Variants in TMEM178A observed in about 807,000 individuals in gnomAD.
TMEM178A encodes transmembrane protein 178.
A neutral mutation model predicts 29.1 loss-of-function variants in TMEM178A; 12 were observed. That is an observed-to-expected ratio of 0.41 (90% confidence interval 0.26 to 0.67). TMEM178A has a LOEUF of 0.67. TMEM178A is among the 30% of genes least tolerant of loss of function. The probability of loss-of-function intolerance (pLI) is 0.29; values close to 1 mark genes in which losing one functional copy is unlikely to be tolerated. For synonymous variants in TMEM178A, 210 were observed against 187.2 expected, an observed-to-expected ratio of 1.12 and a Z score of -0.99; for missense variants, 366 against 419.1, an observed-to-expected ratio of 0.87 and a Z score of 1.11.
the TMEM178A span, among the ~76,000 whole-genome samples, chr2:39,732,503 T>C: frequency 6.6e-6 from 1 of 152,162 alleles, no homozygotes; most frequent in Admixed American, 6.5e-5. Flanking sequence ...TGGCGTGTCA[T>C]TACTTCAAGA....
intron 1 of TMEM178A, among the ~76,000 whole-genome samples, chr2:39,690,703 C>G (rs1464038413): frequency 6.6e-6 from 1 of 152,126 alleles, no homozygotes; most frequent in African/African-American, 2.4e-5. Flanking sequence ...AAACTTAACA[C>G]TACTAAAAGA....
rs146115860 is a variant in TMEM178A, at chr2:39,697,509, A to G, written c.401-6572A>G. Among the ~76,000 whole-genome samples the G allele has an allele frequency of 1.5e-4, 23 of 152,136 alleles. No homozygotes were observed. The East Asian group carries it at 4.2e-3, about 28-fold the overall frequency. On this transcript the variant is annotated intron_variant, in intron 1 of 3. Coordinates refer to ENST00000281961, the MANE Select transcript of TMEM178A (RefSeq NM_152390.3). ...GAGTGGAACACCTGGACCATAGAAC[A>G]TTTTCTTGCAAACTCAGCTGTGGAG...
At chr2:39,694,396 C>T (rs1671453101) in intron 1 of TMEM178A, among the ~76,000 whole-genome samples, 1 of 152,030 alleles carries the variant, frequency 6.6e-6, no homozygotes, top group Non-Finnish European at 1.5e-5. Context: ...TCTTAGTTAC[C>T]AGGAAGTTGA....
intron 1 of TMEM178A, among the ~76,000 whole-genome samples, chr2:39,701,582 A>G (rs2192686): frequency 0.6 from 90,727 of 151,902 alleles, 29,290 homozygotes; most frequent in East Asian, 0.84. Flanking sequence ...GCAAGTTCAT[A>G]TTTTTAATCA....
intron 1 of TMEM178A, chr2:39,687,568 T>C (rs2148074699): frequency 6.3e-6 from 1 of 159,494 alleles, no homozygotes; most frequent in Middle Eastern, 3.4e-3. Context: ...CTGTGCCCCT[T>C]TTCATGGTTT....
intron 1 of TMEM178A, among the ~76,000 whole-genome samples, chr2:39,692,411 G>T (rs571845984): frequency 5.9e-5 from 9 of 152,220 alleles, no homozygotes; most frequent in African/African-American, 2.2e-4. Flanking sequence ...AGTATATACA[G>T]GTATTAAATC....
chr2:39,697,555 C>T (rs1406247480), intron 1 of TMEM178A, among the ~76,000 whole-genome samples: 4 of 152,150 alleles, frequency 2.6e-5, no homozygotes, highest in African/African-American at 7.2e-5. Context: ...GCTACCAGAC[C>T]CACACTCTTT....
the TMEM178A span, among the ~76,000 whole-genome samples, chr2:39,729,496 C>T: frequency 3.8e-4 from 58 of 152,290 alleles, no homozygotes; most frequent in African/African-American, 1.3e-3. Flanking sequence ...CTTTGATGTA[C>T]CCTTTGGATG....
intron 1 of TMEM178A, among the ~76,000 whole-genome samples, chr2:39,699,479 C>T (rs1671687615): frequency 6.6e-6 from 1 of 151,784 alleles, no homozygotes; most frequent in African/African-American, 2.4e-5. Flanking sequence ...TGTTTTGAGA[C>T]AGAGTCTCAC....
Position 39,717,301 on chromosome 2 carries a change from G to A in TMEM178A, c.*50G>A. On this transcript the variant is annotated 3_prime_UTR_variant, in exon 4 of 4. Coordinates refer to ENST00000281961, the MANE Select transcript of TMEM178A (RefSeq NM_152390.3). ...GTGCGAGCGACTCCTGAGGGGAACA[G>A]CGCGGAGTTCAGGAGTCCAAGCACA... The A allele has an allele frequency of 6.3e-7, 1 of 1,580,048 alleles. No homozygotes were observed. The highest frequency in any genetic ancestry group is 1.2e-5 in the South Asian group (1 of 86,144).
At chr2:39,718,014 C>A (rs1477897062), downstream of TMEM178A, 2 of 152,418 alleles carry the variant, frequency 1.3e-5, no homozygotes, top group Non-Finnish European at 2.9e-5. Flanking sequence ...GTCTCCCTAG[C>A]CATAAGGACA....
chr2:39,695,932 T>G (rs894538358), intron 1 of TMEM178A, among the ~76,000 whole-genome samples: 1 of 152,200 alleles, frequency 6.6e-6, no homozygotes, highest in Admixed American at 6.5e-5. Context: ...AAATACATAA[T>G]TTTAAAACAA....
In TMEM178A at chr2:39,672,501, C is replaced by T. The variant is rs1365079691; in HGVS notation, c.400+6127C>T. Among the ~76,000 whole-genome samples, 5 of 152,042 alleles carry T rather than the reference C, an allele frequency of 3.3e-5. No homozygotes were observed. In the South Asian group the frequency reaches 8.3e-4, roughly 25 times the overall value. ...CTCGAACCCCATCAGGCAGACTGCT[C>T]GTAATTATAATTGCAACGGTTCTTT... On this transcript the variant is annotated intron_variant, in intron 1 of 3. Coordinates refer to ENST00000281961, the MANE Select transcript of TMEM178A (RefSeq NM_152390.3).
intron 1 of TMEM178A, among the ~76,000 whole-genome samples, chr2:39,683,444 C>T (rs928489529): frequency 2.0e-5 from 3 of 152,178 alleles, no homozygotes; most frequent in Admixed American, 6.5e-5. Flanking sequence ...TGGGCAGTCA[C>T]GGAAGAGAAG....
chr2:39,708,465 C>G (rs1181048403), intron 3 of TMEM178A, among the ~76,000 whole-genome samples: 1 of 124,662 alleles, frequency 8.0e-6, no homozygotes, highest in Non-Finnish European at 1.6e-5. Context: ...GTCGCCCAGG[C>G]TGGAGTGCAG....
At chr2:39,703,992 C>G in intron 1 of TMEM178A, 89 bp from the exon 2 acceptor site, 5 of 1,006,240 alleles carry the variant, frequency 5.0e-6, no homozygotes, top group Admixed American at 2.1e-5. Context: ...CCCATTCAAC[C>G]CAGGTTAGGT....
At chr2:39,708,495 T>A (rs1329205508) in intron 3 of TMEM178A, among the ~76,000 whole-genome samples, 1 of 131,968 alleles carries the variant, frequency 7.6e-6, no homozygotes, top group East Asian at 2.6e-4. Context: ...CTCGACTCAC[T>A]GCAAGCTCCG....
At chr2:39,703,334 C>T (rs967045805) in intron 1 of TMEM178A, among the ~76,000 whole-genome samples, 1 of 152,140 alleles carries the variant, frequency 6.6e-6, no homozygotes, top group Admixed American at 6.5e-5. Context: ...ATAATGGACC[C>T]ATGTTAATTT....
chr2:39,679,603 T>A (rs974194451), intron 1 of TMEM178A, among the ~76,000 whole-genome samples: 2 of 152,180 alleles, frequency 1.3e-5, no homozygotes, highest in Admixed American at 1.3e-4. Context: ...CCATAGGAAG[T>A]CACTACCTTC....
Sources: gnomAD v4.1 joint callset for allele counts (sites outside exome capture counted in the v4.1 genomes callset) on GRCh38, gnomAD v4.1.1 for gene constraint, MANE v1.5 for transcripts, NCBI Gene and HGNC (gene_info 2026-07-23, HGNC 2026-07-21) for gene names.